The following ARL8B variants were observed in gnomAD, a reference collection of about 807,000 sequenced individuals.
The protein encoded by ARL8B is ARF like GTPase 8B, also known as ADP-ribosylation factor-like protein 8B.
In ARL8B, 9 loss-of-function variants were observed where a neutral mutation model predicts 30.6. That is an observed-to-expected ratio of 0.29 (90% CI 0.18 to 0.51). ARL8B has a LOEUF of 0.51. ARL8B is among the 20% of genes least tolerant of loss of function. The pLI is 0.97. For missense variants in ARL8B, 130 were observed against 227.2 expected (o/e 0.57, Z 2.75); for synonymous variants, 74 against 76.0 (o/e 0.97, Z 0.14).
intron 6 of ARL8B, among the ~76,000 whole-genome samples, chr3:5,177,808 C>T (rs139692130): frequency 6.6e-6 from 1 of 152,154 alleles, no homozygotes; most frequent in African/African-American, 2.4e-5. Flanking sequence ...TACCTTTCTC[C>T]CATTCAGTTC....
intron 1 of ARL8B, among the ~76,000 whole-genome samples, chr3:5,149,046 G>A (rs1270153667): frequency 6.6e-6 from 1 of 152,238 alleles, no homozygotes; most frequent in Non-Finnish European, 1.5e-5. Flanking sequence ...GTCTCTGGCT[G>A]TTTGCGTCGC....
chr3:5,135,950 C>G (rs1437182810), intron 1 of ARL8B, among the ~76,000 whole-genome samples: 1 of 151,316 alleles, frequency 6.6e-6, no homozygotes, highest in Admixed American at 6.6e-5. Context: ...CCCCGCGTGG[C>G]TAATTTTTTT....
intron 1 of ARL8B, among the ~76,000 whole-genome samples, chr3:5,163,048 C>T (rs1037488366): frequency 9.3e-5 from 13 of 139,306 alleles, no homozygotes; most frequent in Non-Finnish European, 2.0e-4. Flanking sequence ...AGTGCAGTGG[C>T]GTGATTTCAG....
At chr3:5,174,309 T>C (rs934016369) in intron 5 of ARL8B, 35 bp from the exon 6 acceptor site, 9 of 1,434,960 alleles carry the variant, frequency 6.3e-6, no homozygotes, top group Non-Finnish European at 8.8e-6. Flanking sequence ...ACAGCTGTTC[T>C]AAGCACAGAC....
At chr3:5,143,049 A>T (rs1432455920) in intron 1 of ARL8B, among the ~76,000 whole-genome samples, 1 of 152,208 alleles carries the variant, frequency 6.6e-6, no homozygotes, top group African/African-American at 2.4e-5. Context: ...GCCATACTGT[A>T]ATCTGTATCT....
intron 2 of ARL8B, among the ~76,000 whole-genome samples, 196 bp from the exon 3 acceptor site, chr3:5,171,954 G>A (rs950940140): frequency 1.1e-4 from 16 of 152,286 alleles, no homozygotes; most frequent in Admixed American, 8.5e-4. Flanking sequence ...TATTAAATAC[G>A]GACTTCAAGT....
At chr3:5,158,193 A>G (rs544117600) in intron 1 of ARL8B, among the ~76,000 whole-genome samples, 24 of 152,322 alleles carry the variant, frequency 1.6e-4, no homozygotes, top group African/African-American at 5.8e-4. Flanking sequence ...TATGTTGGCC[A>G]GGCTGGTCTT....
intron 1 of ARL8B, among the ~76,000 whole-genome samples, chr3:5,149,567 C>G (rs2054461050): frequency 6.6e-6 from 1 of 152,224 alleles, no homozygotes; most frequent in Non-Finnish European, 1.5e-5. Flanking sequence ...TGTGGAGTTA[C>G]AATCTTCCCA....
At chr3:5,151,013 T>A (rs1445417521) in intron 1 of ARL8B, among the ~76,000 whole-genome samples, 1 of 152,220 alleles carries the variant, frequency 6.6e-6, no homozygotes, top group Non-Finnish European at 1.5e-5. Flanking sequence ...TTCTCTTATT[T>A]ATCTTTTTTA....
intron 1 of ARL8B, among the ~76,000 whole-genome samples, chr3:5,123,167 G>T (rs2054198708): frequency 6.6e-6 from 1 of 152,152 alleles, no homozygotes; most frequent in African/African-American, 2.4e-5. Context: ...CGGAGACCAA[G>T]CTCATTGCTG....
chr3:5,122,732 G>C, intron 1 of ARL8B, 144 bp downstream of exon 1: 1 of 974,484 alleles, frequency 1.0e-6, no homozygotes, highest in Non-Finnish European at 1.5e-6. Flanking sequence ...CATCTCCCGA[G>C]GGCCAGCATT....
chr3:5,134,753 A>AAT (rs2054310738), intron 1 of ARL8B, among the ~76,000 whole-genome samples: 1 of 152,202 alleles, frequency 6.6e-6, no homozygotes, highest in South Asian at 2.1e-4. Flanking sequence ...AGAGCAGTCT[A>AAT]ATAATGGATT....
chr3:5,169,189 CTTCTAGAAAT>C, intron 1 of ARL8B, among the ~76,000 whole-genome samples: 1 of 152,206 alleles, frequency 6.6e-6, no homozygotes, highest in South Asian at 2.1e-4. Context: ...CCACTGTCCA[CTTCTAGAAAT>C]TTGTTATCTT....
At chr3:5,164,522 C>G (rs955112076) in intron 1 of ARL8B, among the ~76,000 whole-genome samples, 1 of 152,150 alleles carries the variant, frequency 6.6e-6, no homozygotes, top group Non-Finnish European at 1.5e-5. Context: ...TAACATTTTA[C>G]CTCATTTGCT....
At chr3:5,130,319 C>T (rs1248391839) in intron 1 of ARL8B, among the ~76,000 whole-genome samples, 1 of 152,030 alleles carries the variant, frequency 6.6e-6, no homozygotes, top group East Asian at 1.9e-4. Flanking sequence ...GCCACCACGC[C>T]TGCCCCTGAG....
At chr3:5,164,470 T>C (rs1172876585) in intron 1 of ARL8B, among the ~76,000 whole-genome samples, 2 of 152,224 alleles carry the variant, frequency 1.3e-5, no homozygotes, top group Non-Finnish European at 2.9e-5. Context: ...ATAAATGCAT[T>C]GCAAACAGCA....
intron 6 of ARL8B, among the ~76,000 whole-genome samples, chr3:5,176,002 A>C (rs184559490): frequency 3.6e-4 from 55 of 152,308 alleles, no homozygotes; most frequent in Non-Finnish European, 4.4e-4. Context: ...GGGGACATTA[A>C]ACATTCTAGC....
intron 1 of ARL8B, among the ~76,000 whole-genome samples, chr3:5,130,901 G>A (rs1166205971): frequency 6.6e-6 from 1 of 151,926 alleles, no homozygotes; most frequent in African/African-American, 2.4e-5. Context: ...TACACACATA[G>A]TTAGGCCTGC....
chr3:5,127,433 A>G (rs2054239526), intron 1 of ARL8B, among the ~76,000 whole-genome samples: 1 of 152,238 alleles, frequency 6.6e-6, no homozygotes. Context: ...TAAGAAATAC[A>G]GACGTAATGA....
Sources: gnomAD v4.1 joint callset for allele counts (sites outside exome capture counted in the v4.1 genomes callset) on GRCh38, gnomAD v4.1.1 for gene constraint, MANE v1.5 for transcripts, NCBI Gene and HGNC (gene_info 2026-07-23, HGNC 2026-07-21) for gene names.